Variants in PSD3 observed in about 807,000 individuals in gnomAD.
PSD3 encodes the protein PH and SEC7 domain-containing protein 3.
PSD3 carries 49 observed loss-of-function variants against 105.5 expected under a neutral mutation model. The observed-to-expected ratio is 0.46, with a 90% CI of 0.37 to 0.59. The LOEUF (loss-of-function observed/expected upper bound fraction) is 0.59, where lower values mean the gene tolerates loss of function less well. PSD3 is among the 20% of genes least tolerant of loss of function. The pLI is 0.00. For missense variants in PSD3, 1,561 were observed against 1,263.8 expected (o/e 1.24, Z -3.57); for synonymous variants, 557 against 457.8 (o/e 1.22, Z -2.77).
intron 9 of PSD3, among the ~76,000 whole-genome samples, chr8:18,684,369 A>C (rs2130964091): frequency 6.6e-6 from 1 of 152,290 alleles, no homozygotes; most frequent in South Asian, 2.1e-4. Context: ...ATTAATGTCA[A>C]CAACCAAATA....
At chr8:18,813,948 G>C (rs1303463878) in intron 4 of PSD3, among the ~76,000 whole-genome samples, 1 of 152,180 alleles carries the variant, frequency 6.6e-6, no homozygotes, top group Non-Finnish European at 1.5e-5. Flanking sequence ...TTAAGGTTAT[G>C]ATGACGTGAG....
intron 9 of PSD3, among the ~76,000 whole-genome samples, chr8:18,706,033 T>A (rs1801875780): frequency 6.6e-6 from 1 of 152,158 alleles, no homozygotes; most frequent in Admixed American, 6.5e-5. Context: ...ATAGGGCCCA[T>A]GTCCCATTCC....
At chr8:18,899,054 AG>A (rs938574224) in intron 2 of PSD3, among the ~76,000 whole-genome samples, 1 of 152,218 alleles carries the variant, frequency 6.6e-6, no homozygotes, top group Non-Finnish European at 1.5e-5. Context: ...TCATAAAAGA[AG>A]TCAAAAACAG....
intron 2 of PSD3, among the ~76,000 whole-genome samples, chr8:18,876,062 T>C (rs1282922582): frequency 6.6e-6 from 1 of 152,164 alleles, no homozygotes; most frequent in Non-Finnish European, 1.5e-5. Flanking sequence ...TGTCATATCA[T>C]CTATCAAAAC....
intron 8 of PSD3, among the ~76,000 whole-genome samples, chr8:18,784,505 C>T (rs537815065): frequency 6.6e-6 from 1 of 152,228 alleles, no homozygotes; most frequent in South Asian, 2.1e-4. Context: ...GTTAAGGGCT[C>T]AGCCCTACAA....
chr8:18,671,808 T>C (rs1369769868), intron 9 of PSD3, among the ~76,000 whole-genome samples: 2 of 152,118 alleles, frequency 1.3e-5, no homozygotes, highest in African/African-American at 4.8e-5. Flanking sequence ...ATTTTTTGTA[T>C]TTTTAGTAGA....
chr8:18,773,949 T>C (rs973925165), intron 8 of PSD3, among the ~76,000 whole-genome samples: 9 of 152,328 alleles, frequency 5.9e-5, no homozygotes, highest in Admixed American at 5.9e-4. Context: ...TTGAACTTAT[T>C]TTGTTAAATT....
chr8:18,835,317 T>G (rs1490084823), intron 4 of PSD3, among the ~76,000 whole-genome samples: 1 of 152,228 alleles, frequency 6.6e-6, no homozygotes, highest in East Asian at 1.9e-4. Context: ...TCACTGTTTT[T>G]CACGCATTAC....
At chr8:18,576,570 C>T (rs1357576549) in intron 12 of PSD3, among the ~76,000 whole-genome samples, 1 of 152,136 alleles carries the variant, frequency 6.6e-6, no homozygotes, top group Non-Finnish European at 1.5e-5. Flanking sequence ...AGTAATTTAG[C>T]ATTCCAAATA....
intron 1 of PSD3, among the ~76,000 whole-genome samples, chr8:19,041,532 A>G (rs1297979678): frequency 2.6e-5 from 4 of 152,252 alleles, no homozygotes; most frequent in South Asian, 4.1e-4. Flanking sequence ...TTCAGTGCAA[A>G]TAGTGCAAGC....
chr8:18,775,107 T>C (rs1397612045), intron 8 of PSD3, among the ~76,000 whole-genome samples: 1 of 152,204 alleles, frequency 6.6e-6, no homozygotes, highest in Non-Finnish European at 1.5e-5. Context: ...AAAGAACATG[T>C]GGTATTTGTC....
chr8:18,571,437 G>C (rs1216913230), intron 14 of PSD3, among the ~76,000 whole-genome samples: 1 of 151,948 alleles, frequency 6.6e-6, no homozygotes, highest in African/African-American at 2.4e-5. Context: ...TGCACATTAG[G>C]TACCACATTT....
chr8:18,537,130 G>A (rs1799890685), intron 15 of PSD3, among the ~76,000 whole-genome samples: 1 of 152,176 alleles, frequency 6.6e-6, no homozygotes, highest in African/African-American at 2.4e-5. Context: ...ATGTTCTGGG[G>A]TTGGCCAGGA....
At chr8:18,853,254 T>C (rs1815737168) in intron 4 of PSD3, among the ~76,000 whole-genome samples, 1 of 152,138 alleles carries the variant, frequency 6.6e-6, no homozygotes. Flanking sequence ...TTACAATCCA[T>C]AGTCAAGGCA....
chr8:18,950,544 C>A (rs537900414), intron 1 of PSD3, among the ~76,000 whole-genome samples: 1 of 152,224 alleles, frequency 6.6e-6, no homozygotes, highest in South Asian at 2.1e-4. Flanking sequence ...TTTCCCCTAC[C>A]CCAGCCTCTG....
chr8:18,967,414 G>T (rs916271978), intron 1 of PSD3, among the ~76,000 whole-genome samples: 1 of 152,048 alleles, frequency 6.6e-6, no homozygotes, highest in African/African-American at 2.4e-5. Flanking sequence ...AAAGTGCTGG[G>T]ATTACAGGCG....
chr8:18,578,175 A>G (rs1000089787), intron 12 of PSD3, among the ~76,000 whole-genome samples: 3 of 151,888 alleles, frequency 2.0e-5, no homozygotes, highest in Non-Finnish European at 4.4e-5. Context: ...GTTTTCCTTT[A>G]ATCTTAGGAT....
intron 1 of PSD3, among the ~76,000 whole-genome samples, chr8:18,967,317 G>C (rs938975575): frequency 6.6e-6 from 1 of 151,942 alleles, no homozygotes; most frequent in Admixed American, 6.6e-5. Flanking sequence ...CACCATGCCC[G>C]GCTAATTTTG....
intron 2 of PSD3, among the ~76,000 whole-genome samples, chr8:18,911,729 G>GAT (rs139257200): frequency 3.3e-5 from 5 of 151,854 alleles, no homozygotes; most frequent in East Asian, 3.9e-4. Flanking sequence ...ATAACTCAGG[G>GAT]ATATATATAT....
Sources: allele counts gnomAD v4.1 joint callset (sites outside exome capture counted in the v4.1 genomes callset), GRCh38; gene constraint gnomAD v4.1.1; transcripts MANE v1.5; gene names NCBI Gene and HGNC (gene_info 2026-07-23, HGNC 2026-07-21).